Variants in RAB35 observed in about 807,000 individuals in gnomAD.
RAB35 encodes the protein ras-related protein Rab-35.
In RAB35, 4 loss-of-function variants were observed where a neutral mutation model predicts 28.9. The ratio of observed to expected loss-of-function variants is 0.14; its 90% CI spans 0.07 to 0.32. The LOEUF (loss-of-function observed/expected upper bound fraction) is 0.32. Among genes scored for constraint, RAB35 ranks in the 10% least tolerant of loss-of-function variants. The pLI is 1.00. For synonymous variants in RAB35, 99 were observed against 105.1 expected (o/e 0.94, Z 0.35); for missense variants, 128 against 274.0 (o/e 0.47, Z 3.76).
rs757323071 is a variant in RAB35, at chr12:120,096,896, A to T, written c.*349T>A. The T allele has an allele frequency of 1.5e-6, 2 of 1,317,482 alleles. No homozygotes were observed. The highest frequency in any genetic ancestry group is 2.0e-6 in the Non-Finnish European group (2 of 1,007,450). The allele number at this position is 1,317,482 out of a possible 1,614,324, so 81.6% of individuals were successfully genotyped here. A position where few individuals can be genotyped will look rare whatever the true frequency, so the allele number is the denominator to read the frequency against. Reference sequence around the variant, plus strand: ...GGAGGGTCTGTTGCAGCAGGCTGGCATCAAGAAGGCAAAAGCCAGAGCAGG... The same window carrying T: ...GGAGGGTCTGTTGCAGCAGGCTGGCTTCAAGAAGGCAAAAGCCAGAGCAGG... On this transcript the variant is annotated 3_prime_UTR_variant, in exon 6 of 6. Transcript: ENST00000229340.
At chr12:120,106,340 C>A (rs981617609) in intron 2 of RAB35, among the ~76,000 whole-genome samples, 5 of 152,164 alleles carry the variant, frequency 3.3e-5, no homozygotes, top group Admixed American at 6.5e-5. Flanking sequence ...TACTTAGTCC[C>A]AGGCACTGCA....
Position 120,097,104 on chromosome 12 carries a change from C to T in RAB35, c.*141G>A, listed in dbSNP as rs1262261345. 3 of 1,586,346 alleles carry T rather than the reference C, an allele frequency of 1.9e-6. No individual in the cohort carries two copies. The highest frequency in any genetic ancestry group is 1.7e-5 in the Admixed American group (1 of 57,230). On this transcript the variant is annotated 3_prime_UTR_variant, in exon 6 of 6. Transcript: ENST00000229340. Reference sequence around the variant, plus strand: ...TCGAGGAGGGCGGGGGAGGAAGTGCCGATGGCACCTCCCGATACAAAAACA... The same window carrying T: ...TCGAGGAGGGCGGGGGAGGAAGTGCTGATGGCACCTCCCGATACAAAAACA...
chr12:120,115,852 G>C (rs1483105007), intron 1 of RAB35, among the ~76,000 whole-genome samples: 1 of 152,140 alleles, frequency 6.6e-6, no homozygotes, highest in African/African-American at 2.4e-5. Context: ...TATGTGCCAG[G>C]AGCTGTGAGC....
chr12:120,101,384 C>G (rs571997371), intron 3 of RAB35, among the ~76,000 whole-genome samples: 1 of 152,326 alleles, frequency 6.6e-6, no homozygotes, highest in African/African-American at 2.4e-5. Context: ...TTCCTTGTCA[C>G]TTCTCCCCTC....
intron 5 of RAB35, 25 bp from the exon 6 acceptor site, chr12:120,097,398 C>T (rs754629167): frequency 1.3e-6 from 2 of 1,588,728 alleles, no homozygotes; most frequent in Admixed American, 1.7e-5. Flanking sequence ...GAGGAAGGGC[C>T]CGCCTCAGAC....
intron 5 of RAB35, among the ~76,000 whole-genome samples, chr12:120,097,846 TAG>T (rs1875488173): frequency 6.6e-6 from 1 of 151,668 alleles, no homozygotes; most frequent in African/African-American, 2.4e-5. Flanking sequence ...GTCCTTCTTT[TAG>T]AGAGACCAAC....
chr12:120,099,202 C>A (rs757227387), intron 3 of RAB35, 48 bp from the exon 4 acceptor site: 32 of 1,610,298 alleles, frequency 2.0e-5, no homozygotes, highest in African/African-American at 1.3e-5. Flanking sequence ...ACAGGAGTCA[C>A]CCCCTTGCCG....
At chr12:120,102,898 C>G (rs1246057027) in intron 3 of RAB35, among the ~76,000 whole-genome samples, 1 of 152,166 alleles carries the variant, frequency 6.6e-6, no homozygotes, top group Admixed American at 6.5e-5. Flanking sequence ...GCACAGGCCA[C>G]TGTGTGGAGC....
Position 120,097,064 on chromosome 12 carries a change from A to G in RAB35, c.*181T>C, listed in dbSNP as rs1393252813. On this transcript the variant is annotated 3_prime_UTR_variant, in exon 6 of 6. Transcript: ENST00000229340. ...CAGTAGGGAAGGGCGGGCTGGTCCA[A>G]CACCTTCTTGGCACTCGAGGAGGGC... 1 of 1,538,272 alleles carries G rather than the reference A, an allele frequency of 6.5e-7. No homozygotes were observed. The highest frequency in any genetic ancestry group is 8.7e-7 in the Non-Finnish European group (1 of 1,147,468).
chr12:120,098,119 C>T (rs1303469137), intron 5 of RAB35, among the ~76,000 whole-genome samples: 2 of 152,160 alleles, frequency 1.3e-5, no homozygotes, highest in African/African-American at 4.8e-5. Context: ...CTCCTGACCT[C>T]GTGATCCGCC....
At chr12:120,108,608 C>T (rs1258333459) in intron 1 of RAB35, 141 bp from the exon 2 acceptor site, 2 of 764,790 alleles carry the variant, frequency 2.6e-6, no homozygotes, top group Admixed American at 2.0e-5. Flanking sequence ...ATGCTCTTTC[C>T]ACCTCCCTGA....
At chr12:120,097,428 T>A in intron 5 of RAB35, 55 bp from the exon 6 acceptor site, 1 of 1,486,008 alleles carries the variant, frequency 6.7e-7, no homozygotes, top group Non-Finnish European at 9.2e-7. Flanking sequence ...AGGCCCCTGC[T>A]GGCCTGCACG....
intron 3 of RAB35, chr12:120,099,528 C>A: frequency 3.9e-6 from 1 of 253,676 alleles, no homozygotes; most frequent in Non-Finnish European, 7.6e-6. Context: ...TTATCACTGT[C>A]TTTGAACATT....
chr12:120,097,759 AG>A (rs1375109152), intron 5 of RAB35, among the ~76,000 whole-genome samples: 1 of 152,126 alleles, frequency 6.6e-6, no homozygotes, highest in Non-Finnish European at 1.5e-5. Flanking sequence ...CAAATAAATA[AG>A]TCTGAAAAAA....
rs147355825 is a variant in RAB35 at position 120,102,094 on chromosome 12, C to T, written c.227+1732G>A. Among the ~76,000 whole-genome samples, 693 of 152,296 alleles carry T rather than the reference C, an allele frequency of 4.6e-3. 1 individual carries two copies. The highest frequency in any genetic ancestry group is 5.2e-3 in the Non-Finnish European group (353 of 68,008). On this transcript the variant is annotated intron_variant, in intron 3 of 5. Coordinates refer to ENST00000229340, the MANE Select transcript of RAB35 (RefSeq NM_006861.7). Reference sequence around the variant, plus strand: ...AAGGCAGGGGCGCCACCTGCCCAGTCGATGCAGGGCCTCGGCAGACTCAGG... The same window carrying T: ...AAGGCAGGGGCGCCACCTGCCCAGTTGATGCAGGGCCTCGGCAGACTCAGG...
At chr12:120,099,187 C>T (rs1424260511) in intron 3 of RAB35, 33 bp from the exon 4 acceptor site, 1 of 1,613,304 alleles carries the variant, frequency 6.2e-7, no homozygotes, top group Non-Finnish European at 8.5e-7. Flanking sequence ...AGCATGTCAA[C>T]CCCGACAGGA....
At chr12:120,105,107 A>C (rs970927194) in intron 2 of RAB35, among the ~76,000 whole-genome samples, 2 of 152,194 alleles carry the variant, frequency 1.3e-5, no homozygotes, top group African/African-American at 4.8e-5. Flanking sequence ...GGCGTAGGAA[A>C]GGTCAAATTC....
intron 3 of RAB35, among the ~76,000 whole-genome samples, chr12:120,100,063 G>A (rs562265535): frequency 9.8e-5 from 15 of 152,328 alleles, no homozygotes; most frequent in East Asian, 9.6e-4. Context: ...TGGACAGGCC[G>A]CTTCCTCCCG....
chr12:120,100,598 C>T (rs1875617880), intron 3 of RAB35, among the ~76,000 whole-genome samples: 1 of 152,202 alleles, frequency 6.6e-6, no homozygotes, highest in Non-Finnish European at 1.5e-5. Context: ...AGAGCCAGAG[C>T]TCCTGCCCAG....
Sources: allele counts gnomAD v4.1 joint callset (sites outside exome capture counted in the v4.1 genomes callset), GRCh38; gene constraint gnomAD v4.1.1; transcripts MANE v1.5; gene names NCBI Gene and HGNC (gene_info 2026-07-23, HGNC 2026-07-21).